FRMD4A: variants seen among roughly 807,000 people sequenced by gnomAD.
The protein encoded by FRMD4A is FERM domain containing 4A.
A neutral mutation model predicts 129.1 loss-of-function variants in FRMD4A; 29 were observed. The ratio of observed to expected loss-of-function variants is 0.22; its 90% CI spans 0.17 to 0.31. The LOEUF (loss-of-function observed/expected upper bound fraction) is 0.31, where lower values mean the gene tolerates loss of function less well. FRMD4A is among the 10% of genes least tolerant of loss of function. FRMD4A has a pLI of 1.00. For synonymous variants in FRMD4A, 634 were observed against 571.6 expected (o/e 1.11, Z -1.56); for missense variants, 1,272 against 1,375.8 (o/e 0.92, Z 1.19).
At chr10:14,101,160 A>G (rs1221102896) in intron 2 of FRMD4A, among the ~76,000 whole-genome samples, 1 of 152,214 alleles carries the variant, frequency 6.6e-6, no homozygotes, top group Non-Finnish European at 1.5e-5. Flanking sequence ...CACTTGACTT[A>G]TAACAAAAAA....
At chr10:14,232,254 T>A (rs7923895) in intron 2 of FRMD4A, among the ~76,000 whole-genome samples, 10,973 of 152,238 alleles carry the variant, frequency 0.072, 433 homozygotes, top group Middle Eastern at 0.11. Context: ...TTGCAGCTTT[T>A]TTTCTTGGTT....
Position 13,979,373 on chromosome 10 carries a change from C to T in FRMD4A, c.46-120461G>A, listed in dbSNP as rs1431418487. 5.3e-5 allele frequency among the ~76,000 whole-genome samples: 8 copies of T among 152,090 alleles called. No homozygotes were observed. In the East Asian group the frequency reaches 9.7e-4, roughly 18 times the overall value. Reference sequence around the variant, plus strand: ...AGAGTCACTTCCTTTTCGCAGAGGACGATTAAGCTGACTTTATGCTCATAG... The same window carrying T: ...AGAGTCACTTCCTTTTCGCAGAGGATGATTAAGCTGACTTTATGCTCATAG... On this transcript the variant is annotated intron_variant, in intron 2 of 24. Transcript: ENST00000357447.
intron 2 of FRMD4A, among the ~76,000 whole-genome samples, chr10:14,064,204 AAGAGCTG>A (rs1383601800): frequency 3.3e-5 from 5 of 152,140 alleles, no homozygotes; most frequent in Non-Finnish European, 5.9e-5. Context: ...GAAGCATTCA[AAGAGCTG>A]AGATACTGAG....
At chr10:14,075,698 C>A (rs1388777319) in intron 2 of FRMD4A, among the ~76,000 whole-genome samples, 2 of 152,082 alleles carry the variant, frequency 1.3e-5, no homozygotes, top group East Asian at 3.9e-4. Context: ...ACCTTTATAT[C>A]CATATGCTGT....
intron 2 of FRMD4A, among the ~76,000 whole-genome samples, chr10:14,063,913 C>A (rs981624850): frequency 6.6e-6 from 1 of 152,156 alleles, no homozygotes; most frequent in African/African-American, 2.4e-5. Context: ...AATTAAGAAT[C>A]TGAAAATAGA....
At chr10:13,931,874 G>A (rs574692686) in intron 2 of FRMD4A, among the ~76,000 whole-genome samples, 15 of 151,766 alleles carry the variant, frequency 9.9e-5, no homozygotes, top group South Asian at 4.2e-4. Context: ...GCTTGAACCC[G>A]GGAGGTGGAG....
At chr10:14,138,517 T>C (rs1839662374) in intron 2 of FRMD4A, among the ~76,000 whole-genome samples, 1 of 151,152 alleles carries the variant, frequency 6.6e-6, no homozygotes. Flanking sequence ...TCTCAGCACT[T>C]TGGGAGGCTG....
At chr10:13,756,155 A>G (rs1296401969) in intron 8 of FRMD4A, 1 of 152,242 alleles carries the variant, frequency 6.6e-6, no homozygotes, top group Non-Finnish European at 1.5e-5. Context: ...AAGAGGGTCC[A>G]GAGTAACACA....
chr10:13,707,717 AC>A, intron 12 of FRMD4A: 1 of 985,590 alleles, frequency 1.0e-6, no homozygotes. Flanking sequence ...ACTCAAGATC[AC>A]AGTGTGAGCC....
chr10:13,786,316 A>C lies in FRMD4A; in HGVS notation c.300-3310T>G, dbSNP rs141410220. On this transcript the variant is annotated intron_variant, in intron 5 of 24. Coordinates refer to ENST00000357447, the MANE Select transcript of FRMD4A (RefSeq NM_018027.5). ...CTGACTTTTTAATGATTTGATTTTC[A>C]AAAAATAAATCTATATCGTAGCTCA... is the stretch of plus-strand genomic sequence containing the variant. 1.2e-4 allele frequency among the ~76,000 whole-genome samples: 19 copies of C among 152,330 alleles called. No homozygotes were observed. The East Asian group carries it at 2.3e-3, about 19-fold the overall frequency.
intron 15 of FRMD4A, 101 bp downstream of exon 15, chr10:13,693,797 G>A (rs1270027486): frequency 1.6e-6 from 2 of 1,229,318 alleles, no homozygotes; most frequent in South Asian, 1.3e-5. Flanking sequence ...GGAGCAGCTT[G>A]CCCTGCAGTC....
chr10:14,122,603 G>A (rs1170430450), intron 2 of FRMD4A, among the ~76,000 whole-genome samples: 1 of 151,146 alleles, frequency 6.6e-6, no homozygotes, highest in Non-Finnish European at 1.5e-5. Context: ...AGCAAGTGGG[G>A]TGGGGGGTAG....
intron 2 of FRMD4A, among the ~76,000 whole-genome samples, chr10:13,872,232 C>T (rs1272412338): frequency 6.6e-6 from 1 of 152,204 alleles, no homozygotes; most frequent in Non-Finnish European, 1.5e-5. Flanking sequence ...TCCTGTGGCT[C>T]TGGATGGGTG....
At position 13,769,064 on chromosome 10, in the gene FRMD4A, C is replaced by A. The variant is rs551871883; in HGVS notation, c.385-6384G>T. Among the ~76,000 whole-genome samples, 307 of 144,722 alleles carry A rather than the reference C, an allele frequency of 2.1e-3. 1 individual carries two copies. Among genetic ancestry groups the A allele is most frequent in the Non-Finnish European group, 3.3e-3 (220 of 66,878 alleles). The allele number at this position is 144,722 out of a possible 152,430, so 94.9% of individuals were successfully genotyped here. ...GGAGTGTAGTGGCGCGATTTCGGCT[C>A]ACTGCAAGCTCTGCCTCCTGGGTTC... On this transcript the variant is annotated intron_variant, in intron 6 of 24. Transcript: ENST00000357447.
chr10:13,721,578 T>C (rs1404519557), intron 12 of FRMD4A, among the ~76,000 whole-genome samples: 2 of 152,138 alleles, frequency 1.3e-5, no homozygotes, highest in Non-Finnish European at 2.9e-5. Flanking sequence ...CCCTTGTCCA[T>C]AAAAAGCTCC....
chr10:13,757,528 G>A (rs2091914408), intron 8 of FRMD4A, among the ~76,000 whole-genome samples: 1 of 152,190 alleles, frequency 6.6e-6, no homozygotes, highest in Admixed American at 6.5e-5. Flanking sequence ...TGACATTTCA[G>A]TGTAAAGTCC....
intron 2 of FRMD4A, among the ~76,000 whole-genome samples, chr10:14,294,017 C>T (rs559328168): frequency 6.6e-6 from 1 of 152,122 alleles, no homozygotes; most frequent in Non-Finnish European, 1.5e-5. Context: ...GGAATAATTC[C>T]ACAGTACCAC....
chr10:14,321,354 T>C (rs1843043220), intron 2 of FRMD4A, among the ~76,000 whole-genome samples: 1 of 146,672 alleles, frequency 6.8e-6, no homozygotes, highest in African/African-American at 2.5e-5. Context: ...TGAATATATA[T>C]ATAATTCATA....
At chr10:13,784,995 A>AAG (rs2092820397) in intron 5 of FRMD4A, among the ~76,000 whole-genome samples, 2 of 151,778 alleles carry the variant, frequency 1.3e-5, no homozygotes, top group African/African-American at 4.8e-5. Flanking sequence ...TATCTCAAAA[A>AAG]AAAAAAAAAA....
Sources: allele counts gnomAD v4.1 joint callset (sites outside exome capture counted in the v4.1 genomes callset), GRCh38; gene constraint gnomAD v4.1.1; transcripts MANE v1.5; gene names NCBI Gene and HGNC (gene_info 2026-07-23, HGNC 2026-07-21).